The following COL22A1 variants were observed in gnomAD, a reference collection of about 807,000 sequenced individuals.
COL22A1 encodes the protein collagen alpha-1(XXII) chain.
Under a neutral mutation model 248.9 loss-of-function variants are expected in COL22A1, and 221 were observed. The observed-to-expected ratio is 0.89, with a 90% CI of 0.80 to 0.99. The LOEUF is 0.99. COL22A1 is among the 50% of genes least tolerant of loss of function. The pLI is 0.00. For missense variants in COL22A1, 2,240 were observed against 2,179.0 expected, an observed-to-expected ratio of 1.03 and a Z score of -0.56; for synonymous variants, 891 against 793.4, an observed-to-expected ratio of 1.12 and a Z score of -2.07.
At chr8:138,739,582 A>G (rs1425088748) in intron 22 of COL22A1, among the ~76,000 whole-genome samples, 1 of 152,150 alleles carries the variant, frequency 6.6e-6, no homozygotes, top group Non-Finnish European at 1.5e-5. Flanking sequence ...AGCCATCTGA[A>G]AGTGGAGTCG....
intron 1 of COL22A1, among the ~76,000 whole-genome samples, 182 bp downstream of exon 1, chr8:138,913,437 A>G (rs2132224609): frequency 1.3e-5 from 2 of 151,838 alleles, no homozygotes; most frequent in Middle Eastern, 6.8e-3. Flanking sequence ...AACTATAGTC[A>G]CTCCCTAAAG....
At chr8:138,739,863 T>C (rs1422708532) in intron 22 of COL22A1, among the ~76,000 whole-genome samples, 2 of 152,200 alleles carry the variant, frequency 1.3e-5, no homozygotes, top group Non-Finnish European at 2.9e-5. Context: ...CTTTGAGCTG[T>C]GAACCCATCA....
intron 12 of COL22A1, among the ~76,000 whole-genome samples, chr8:138,787,454 G>T (rs1815634045): frequency 6.6e-6 from 1 of 152,208 alleles, no homozygotes; most frequent in Admixed American, 6.5e-5. Context: ...GATGACACAA[G>T]GAGGAGGAGT....
intron 10 of COL22A1, among the ~76,000 whole-genome samples, chr8:138,806,191 GGTGT>G (rs754899344): frequency 0.015 from 1,481 of 96,858 alleles, 19 homozygotes; most frequent in Non-Finnish European, 0.021. Context: ...GGTGTGTGAT[GGTGT>G]GTGTGTGATG....
intron 18 of COL22A1, among the ~76,000 whole-genome samples, chr8:138,759,911 C>T (rs867299387): frequency 1.3e-5 from 2 of 151,832 alleles, no homozygotes; most frequent in South Asian, 4.2e-4. Flanking sequence ...TTATAGCCTT[C>T]CTTATTCCAA....
At chr8:138,893,845 T>C (rs7006103) in intron 1 of COL22A1, among the ~76,000 whole-genome samples, 32,003 of 152,202 alleles carry the variant, frequency 0.21, 3,695 homozygotes, top group African/African-American at 0.31. Flanking sequence ...TATATTTCCA[T>C]ATGGTCAGTG....
chr8:138,702,356 TG>T (rs1297726972), intron 31 of COL22A1, among the ~76,000 whole-genome samples: 1 of 152,208 alleles, frequency 6.6e-6, no homozygotes, highest in Non-Finnish European at 1.5e-5. Flanking sequence ...TGAGCATTGC[TG>T]GGGAGGAGAC....
At chr8:138,843,223 A>T (rs1469751309) in intron 4 of COL22A1, among the ~76,000 whole-genome samples, 2 of 152,162 alleles carry the variant, frequency 1.3e-5, no homozygotes, top group Non-Finnish European at 2.9e-5. Flanking sequence ...GGCATCTTTA[A>T]GACAGCAGAG....
intron 12 of COL22A1, among the ~76,000 whole-genome samples, chr8:138,784,641 T>C (rs1316579443): frequency 6.6e-6 from 1 of 152,186 alleles, no homozygotes; most frequent in African/African-American, 2.4e-5. Flanking sequence ...TTAATCATAG[T>C]GTATTAATGT....
intron 12 of COL22A1, among the ~76,000 whole-genome samples, chr8:138,789,046 C>A (rs1032988589): frequency 1.3e-5 from 2 of 152,178 alleles, no homozygotes; most frequent in Admixed American, 6.5e-5. Flanking sequence ...AGCATTTACC[C>A]TTCCCATAAG....
In COL22A1 at chr8:138,635,075, C is replaced by T. The variant is rs1017139271; in HGVS notation, c.3556-12G>A. 2.5e-6 allele frequency: 4 copies of T among 1,600,980 alleles called. No individual in the cohort carries two copies. The highest frequency in any genetic ancestry group is 3.4e-6 in the Non-Finnish European group (4 of 1,173,666). ...ACTCCAGGATGACCCTAGGAAAACA[C>T]AAGATGCAATTCTTTAAAATGACTT... On this transcript the variant is annotated splice_polypyrimidine_tract_variant and intron_variant, in intron 48 of 64. Coordinates refer to ENST00000303045, the MANE Select transcript of COL22A1 (RefSeq NM_152888.3).
intron 42 of COL22A1, among the ~76,000 whole-genome samples, chr8:138,663,031 C>T (rs936539638): frequency 6.6e-6 from 1 of 151,984 alleles, no homozygotes; most frequent in African/African-American, 2.4e-5. Flanking sequence ...CACACACACA[C>T]ACACAAAGCA....
intron 30 of COL22A1, 39 bp from the exon 31 acceptor site, chr8:138,703,386 C>T: frequency 6.4e-7 from 1 of 1,573,384 alleles, no homozygotes; most frequent in Non-Finnish European, 8.7e-7. Context: ...CATTAATCTT[C>T]CTCCCAACTC....
At chr8:138,857,058 C>G (rs922914770) in intron 3 of COL22A1, among the ~76,000 whole-genome samples, 1 of 152,072 alleles carries the variant, frequency 6.6e-6, no homozygotes, top group African/African-American at 2.4e-5. Flanking sequence ...CTGTCCCCTC[C>G]TGGCCTTGCT....
intron 3 of COL22A1, among the ~76,000 whole-genome samples, chr8:138,859,260 G>A (rs1822268627): frequency 6.6e-6 from 1 of 152,216 alleles, no homozygotes; most frequent in Non-Finnish European, 1.5e-5. Flanking sequence ...ACAAAGGCAG[G>A]CCACAGGAAC....
chr8:138,823,978 C>CA (rs1246813580), intron 6 of COL22A1, among the ~76,000 whole-genome samples: 2 of 152,208 alleles, frequency 1.3e-5, no homozygotes, highest in African/African-American at 2.4e-5. Flanking sequence ...GTATTCAACA[C>CA]AACCTGGGTC....
intron 5 of COL22A1, among the ~76,000 whole-genome samples, chr8:138,828,373 T>C (rs986574024): frequency 6.6e-6 from 1 of 151,916 alleles, no homozygotes; most frequent in Admixed American, 6.6e-5. Flanking sequence ...GACAACAAAA[T>C]TGCCTCCAGA....
At chr8:138,607,909 A>G in intron 57 of COL22A1, 27 bp downstream of exon 57, 1 of 1,611,746 alleles carries the variant, frequency 6.2e-7, no homozygotes, top group Admixed American at 1.7e-5. Context: ...CCCTGATGCC[A>G]TCACATAGCA....
At chr8:138,901,358 G>GTTTTTT (rs146670099) in intron 1 of COL22A1, among the ~76,000 whole-genome samples, 103 of 131,366 alleles carry the variant, frequency 7.8e-4, no homozygotes, top group Middle Eastern at 4.1e-3. Context: ...TTACTGGCAG[G>GTTTTTT]TTTTTTTTTT....
Sources: gnomAD v4.1 joint callset for allele counts (sites outside exome capture counted in the v4.1 genomes callset) on GRCh38, gnomAD v4.1.1 for gene constraint, MANE v1.5 for transcripts, NCBI Gene and HGNC (gene_info 2026-07-23, HGNC 2026-07-21) for gene names.